Variants in CADM1 observed in about 807,000 individuals in gnomAD.
CADM1 encodes the protein TSLC-1.
CADM1 carries 15 observed loss-of-function variants against 53.1 expected under a neutral mutation model. The ratio of observed to expected loss-of-function variants is 0.28; its 90% CI spans 0.19 to 0.44. CADM1 has a LOEUF of 0.44. Among genes scored for constraint, CADM1 ranks in the 20% least tolerant of loss-of-function variants. The pLI is 1.00. For synonymous variants in CADM1, 281 were observed against 243.0 expected, an observed-to-expected ratio of 1.16 and a Z score of -1.45; for missense variants, 434 against 611.3, an observed-to-expected ratio of 0.71 and a Z score of 3.06.
intron 1 of CADM1, among the ~76,000 whole-genome samples, chr11:115,293,782 A>G (rs924950294): frequency 6.6e-6 from 1 of 152,210 alleles, no homozygotes; most frequent in Non-Finnish European, 1.5e-5. Flanking sequence ...TTAGTAATCA[A>G]CAACTGTAGT....
intron 1 of CADM1, among the ~76,000 whole-genome samples, chr11:115,442,767 G>T (rs1449771122): frequency 1.3e-5 from 2 of 152,116 alleles, no homozygotes; most frequent in Non-Finnish European, 2.9e-5. Flanking sequence ...CTTACAAAAG[G>T]CTATTTGCTG....
At chr11:115,270,618 G>A (rs1943270585) in intron 1 of CADM1, among the ~76,000 whole-genome samples, 1 of 152,144 alleles carries the variant, frequency 6.6e-6, no homozygotes. Context: ...CCAATTCAAT[G>A]TTTATTAAAA....
chr11:115,412,217 A>G (rs1301155524), intron 1 of CADM1, among the ~76,000 whole-genome samples: 1 of 151,802 alleles, frequency 6.6e-6, no homozygotes, highest in Non-Finnish European at 1.5e-5. Context: ...TTTTGAGAAC[A>G]GAATTTCACT....
At chr11:115,472,448 T>TA (rs748965962) in intron 1 of CADM1, among the ~76,000 whole-genome samples, 1,530 of 152,232 alleles carry the variant, frequency 0.01, 15 homozygotes, top group Non-Finnish European at 0.012. Context: ...TATATGTATA[T>TA]AGGGGGGGGT....
At chr11:115,186,557 A>G (rs1404172125) in intron 10 of CADM1, among the ~76,000 whole-genome samples, 2 of 152,186 alleles carry the variant, frequency 1.3e-5, no homozygotes, top group African/African-American at 2.4e-5. Flanking sequence ...TTTCCTCTAG[A>G]GCCAGGAAGA....
At chr11:115,427,303 AG>A (rs1161333386) in intron 1 of CADM1, among the ~76,000 whole-genome samples, 1 of 152,182 alleles carries the variant, frequency 6.6e-6, no homozygotes, top group Non-Finnish European at 1.5e-5. Flanking sequence ...AAACAAACAG[AG>A]GTATATGTGT....
chr11:115,449,438 T>C (rs1175222644), intron 1 of CADM1, among the ~76,000 whole-genome samples: 3 of 152,176 alleles, frequency 2.0e-5, no homozygotes, highest in African/African-American at 7.2e-5. Context: ...TAAGCCACCT[T>C]CATTTCTTAA....
chr11:115,401,575 TC>T (rs1321175684), intron 1 of CADM1, among the ~76,000 whole-genome samples: 1 of 151,884 alleles, frequency 6.6e-6, no homozygotes, highest in Non-Finnish European at 1.5e-5. Context: ...GCCACTGTAC[TC>T]CAGCCTAGGT....
chr11:115,347,208 G>A (rs923348492), intron 1 of CADM1, among the ~76,000 whole-genome samples: 4 of 152,098 alleles, frequency 2.6e-5, no homozygotes, highest in African/African-American at 7.2e-5. Flanking sequence ...GGCTTCCTGC[G>A]CCAAAGACAA....
At chr11:115,498,703 C>A (rs1949673017) in intron 1 of CADM1, among the ~76,000 whole-genome samples, 1 of 152,230 alleles carries the variant, frequency 6.6e-6, no homozygotes, top group Non-Finnish European at 1.5e-5. Context: ...TCACCAACTG[C>A]AACAAGCCTT....
intron 1 of CADM1, among the ~76,000 whole-genome samples, chr11:115,334,610 G>A (rs1275875969): frequency 1.3e-5 from 2 of 152,102 alleles, no homozygotes; most frequent in East Asian, 1.9e-4. Context: ...AGGTATGTAT[G>A]TATAGGGAAA....
intron 1 of CADM1, among the ~76,000 whole-genome samples, chr11:115,388,938 TAGATA>T (rs1167728237): frequency 6.6e-6 from 1 of 152,090 alleles, no homozygotes; most frequent in Non-Finnish European, 1.5e-5. Flanking sequence ...GACAGAAGAT[TAGATA>T]AAAGTATTAT....
At chr11:115,407,762 T>A (rs1393785070) in intron 1 of CADM1, among the ~76,000 whole-genome samples, 1 of 150,284 alleles carries the variant, frequency 6.7e-6, no homozygotes, top group Non-Finnish European at 1.5e-5. Context: ...CCTAGCAACT[T>A]GGGAAGCCAA....
chr11:115,202,453 T>C (rs144008488), intron 8 of CADM1, among the ~76,000 whole-genome samples: 2 of 152,172 alleles, frequency 1.3e-5, no homozygotes, highest in Non-Finnish European at 2.9e-5. Context: ...CCCCAATTGA[T>C]CTGCGGTGCT....
chr11:115,488,080 G>A (rs550231054), intron 1 of CADM1, among the ~76,000 whole-genome samples: 15 of 151,572 alleles, frequency 9.9e-5, no homozygotes, highest in African/African-American at 3.4e-4. Context: ...GCACTTGGTA[G>A]AAATCAAGGA....
intron 1 of CADM1, among the ~76,000 whole-genome samples, chr11:115,388,320 G>A (rs186938015): frequency 7.5e-4 from 114 of 152,134 alleles, no homozygotes; most frequent in Non-Finnish European, 1.2e-3. Flanking sequence ...ACTACTGACT[G>A]GTAAAGGTTG....
intron 1 of CADM1, among the ~76,000 whole-genome samples, chr11:115,414,018 C>T (rs958178379): frequency 1.3e-4 from 20 of 152,030 alleles, no homozygotes; most frequent in African/African-American, 4.8e-4. Context: ...ATATCACACT[C>T]ATAAGGAATA....
chr11:115,378,471 G>A (rs983808604), intron 1 of CADM1, among the ~76,000 whole-genome samples: 13 of 151,904 alleles, frequency 8.6e-5, no homozygotes, highest in Admixed American at 2.6e-4. Flanking sequence ...AAAACTGCAC[G>A]GATACAGAGC....
intron 1 of CADM1, among the ~76,000 whole-genome samples, chr11:115,254,137 G>A (rs1942697569): frequency 6.6e-6 from 1 of 152,168 alleles, no homozygotes; most frequent in Non-Finnish European, 1.5e-5. Flanking sequence ...CTCCTTGAGA[G>A]CAGTCACACT....
Sources: allele counts gnomAD v4.1 joint callset (sites outside exome capture counted in the v4.1 genomes callset), GRCh38; gene constraint gnomAD v4.1.1; transcripts MANE v1.5; gene names NCBI Gene and HGNC (gene_info 2026-07-23, HGNC 2026-07-21).